Variants in ST7 observed in about 807,000 individuals in gnomAD.
ST7 encodes the protein suppressor of tumorigenicity 7 protein.
Under a neutral mutation model 78.7 loss-of-function variants are expected in ST7, and 28 were observed. That is an observed-to-expected ratio of 0.36 (90% CI 0.26 to 0.49). The LOEUF is 0.49. Ranked by LOEUF, ST7 falls within the 20% of genes least tolerant of loss-of-function variation. The pLI is 0.99. For missense variants in ST7, 418 were observed against 696.0 expected (o/e 0.60, Z 4.49); for synonymous variants, 247 against 249.6 (o/e 0.99, Z 0.10).
intron 13 of ST7, among the ~76,000 whole-genome samples, chr7:117,210,321 A>T (rs1792178232): frequency 6.6e-6 from 1 of 152,136 alleles, no homozygotes; most frequent in South Asian, 2.1e-4. Context: ...CCTTTGTGGG[A>T]GGGTTGGCTA....
intron 10 of ST7, among the ~76,000 whole-genome samples, chr7:117,174,617 A>T (rs1044656476): frequency 1.2e-4 from 18 of 151,950 alleles, no homozygotes; most frequent in African/African-American, 4.4e-4. Context: ...TAACCACCAC[A>T]CTTACACTCT....
intron 1 of ST7, among the ~76,000 whole-genome samples, chr7:117,060,722 C>T (rs1798303972): frequency 6.6e-6 from 1 of 152,082 alleles, no homozygotes. Flanking sequence ...ATAATATTGC[C>T]TGGCCAGGCG....
intron 12 of ST7, among the ~76,000 whole-genome samples, chr7:117,196,806 A>T (rs1810361114): frequency 6.6e-6 from 1 of 151,812 alleles, no homozygotes; most frequent in Admixed American, 6.6e-5. Context: ...ACGTAGTCCC[A>T]CTTGTGTATT....
intron 1 of ST7, among the ~76,000 whole-genome samples, chr7:117,017,509 A>T (rs1795670003): frequency 6.6e-6 from 1 of 152,150 alleles, no homozygotes; most frequent in African/African-American, 2.4e-5. Flanking sequence ...TGCTAACTTT[A>T]TCTAGAAATT....
chr7:117,119,527 A>C, intron 2 of ST7, 34 bp from the exon 3 acceptor site: 1 of 1,594,008 alleles, frequency 6.3e-7, no homozygotes, highest in Non-Finnish European at 8.5e-7. Context: ...AAATGATAAC[A>C]GTGACCATAA....
At chr7:116,971,694 C>T (rs1793431649) in intron 1 of ST7, among the ~76,000 whole-genome samples, 1 of 152,132 alleles carries the variant, frequency 6.6e-6, no homozygotes. Flanking sequence ...GAGTCTTTCC[C>T]TGGGCTCTGT....
At position 117,135,546 on chromosome 7, in the gene ST7, T is replaced by G. The variant is rs145936572; in HGVS notation, c.711-535T>G. 2.0e-3 allele frequency among the ~76,000 whole-genome samples: 303 copies of G among 152,218 alleles called. 1 individual carries two copies. The highest frequency in any genetic ancestry group is 6.2e-3 in the African/African-American group (257 of 41,568). On this transcript the variant is annotated intron_variant, in intron 7 of 15. Coordinates refer to ENST00000323984, the MANE Select transcript of ST7 (RefSeq NM_001369598.1). The stretch of plus-strand genomic sequence containing the variant: ...GAGTAACTTGATTTAACGAATTTCT[T>G]ATTCTGAAGAAATCCTTAGATTGAA...
chr7:117,109,846 G>T (rs1267619187), intron 2 of ST7, among the ~76,000 whole-genome samples: 1 of 152,158 alleles, frequency 6.6e-6, no homozygotes. Context: ...AATTCACCAT[G>T]AACAAGTGGG....
At chr7:117,177,629 T>C (rs1171085316) in intron 10 of ST7, among the ~76,000 whole-genome samples, 4 of 152,208 alleles carry the variant, frequency 2.6e-5, no homozygotes, top group Non-Finnish European at 4.4e-5. Context: ...AGTGCTTGTC[T>C]TTCCCCCTGC....
chr7:117,110,871 C>T (rs1235244921), intron 2 of ST7, among the ~76,000 whole-genome samples: 5 of 152,190 alleles, frequency 3.3e-5, no homozygotes, highest in South Asian at 2.1e-4. Flanking sequence ...CCTGCTGAAC[C>T]GGATGATCAT....
At chr7:117,181,049 T>G (rs950655019) in intron 10 of ST7, among the ~76,000 whole-genome samples, 4 of 152,152 alleles carry the variant, frequency 2.6e-5, no homozygotes, top group Admixed American at 6.6e-5. Context: ...CTATTTGGCA[T>G]AGGAGATACA....
chr7:117,205,140 T>A (rs1426617371), intron 12 of ST7, among the ~76,000 whole-genome samples: 1 of 152,192 alleles, frequency 6.6e-6, no homozygotes, highest in Admixed American at 6.5e-5. Context: ...CCCATTAAAA[T>A]CAAATATTTA....
chr7:117,090,490 C>T (rs1305652385), intron 1 of ST7, among the ~76,000 whole-genome samples: 1 of 152,160 alleles, frequency 6.6e-6, no homozygotes, highest in Non-Finnish European at 1.5e-5. Context: ...GATTGAGACA[C>T]AGTGTGTGTG....
At chr7:117,035,119 GTTTTTTT>G (rs61562340) in intron 1 of ST7, among the ~76,000 whole-genome samples, 3 of 135,680 alleles carry the variant, frequency 2.2e-5, no homozygotes, top group African/African-American at 8.2e-5. Context: ...AAGCTGGGCA[GTTTTTTT>G]TTTTTTTTTT....
At chr7:116,997,194 G>A (rs945402402) in intron 1 of ST7, among the ~76,000 whole-genome samples, 2 of 152,126 alleles carry the variant, frequency 1.3e-5, no homozygotes, top group African/African-American at 4.8e-5. Flanking sequence ...AGGTAGTGCC[G>A]ACCCAAAGAG....
chr7:117,103,470 C>T (rs890748922), intron 2 of ST7, among the ~76,000 whole-genome samples: 1 of 152,134 alleles, frequency 6.6e-6, no homozygotes, highest in Admixed American at 6.5e-5. Context: ...AACTCATTTT[C>T]GACAAAGGCA....
At chr7:117,142,565 A>T (rs1236101849) in intron 9 of ST7, among the ~76,000 whole-genome samples, 2 of 151,964 alleles carry the variant, frequency 1.3e-5, no homozygotes, top group African/African-American at 4.8e-5. Context: ...GATCTAGAGA[A>T]TCTTGAGGTG....
chr7:117,090,541 T>C (rs1401639323), intron 1 of ST7, among the ~76,000 whole-genome samples: 1 of 152,146 alleles, frequency 6.6e-6, no homozygotes, highest in Non-Finnish European at 1.5e-5. Flanking sequence ...GCACCTTGTC[T>C]TAGCAAAGTT....
chr7:116,973,024 C>T, intron 1 of ST7: 1 of 685,980 alleles, frequency 1.5e-6, no homozygotes, highest in East Asian at 2.7e-5. Flanking sequence ...TTGTTTATAG[C>T]AGTATGGATT....
Sources: gnomAD v4.1 joint callset for allele counts (sites outside exome capture counted in the v4.1 genomes callset) on GRCh38, gnomAD v4.1.1 for gene constraint, MANE v1.5 for transcripts, NCBI Gene and HGNC (gene_info 2026-07-23, HGNC 2026-07-21) for gene names.